Variants in KIAA1217 observed in about 807,000 individuals in gnomAD.
KIAA1217 encodes sickle tail protein homolog.
Under a neutral mutation model 163.9 loss-of-function variants are expected in KIAA1217, and 88 were observed. The observed-to-expected ratio is 0.54, with a 90% CI of 0.45 to 0.64. The LOEUF (loss-of-function observed/expected upper bound fraction) is 0.64. Ranked by LOEUF, KIAA1217 falls within the 30% of genes least tolerant of loss-of-function variation. KIAA1217 has a pLI of 0.00. For missense variants in KIAA1217, 2,372 were observed against 2,475.0 expected (o/e 0.96, Z 0.88); for synonymous variants, 903 against 923.1 (o/e 0.98, Z 0.39).
At position 24,147,832 on chromosome 10, in the gene KIAA1217, C is replaced by CAAAAAAA. The variant is rs1176106711; in HGVS notation, c.-170-71770_-170-71764dup. ...TGGGCAACAAAGTGATACTCTGTCT[C>CAAAAAAA]AAAAAAAAAAAAAAAAAAAAAAAAA... is the stretch of plus-strand genomic sequence containing the variant. On this transcript the variant is annotated intron_variant, in intron 2 of 18. Coordinates refer to the KIAA1217 transcript ENST00000376462. 3.4e-3 allele frequency among the ~76,000 whole-genome samples: 71 copies of CAAAAAAA among 20,760 alleles called. 1 individual carries two copies. The highest frequency in any genetic ancestry group is 5.7e-3 in the Admixed American group (7 of 1,222). The allele number at this position is 20,760 out of a possible 152,430, so 13.6% of individuals were successfully genotyped here. A position where few individuals can be genotyped will look rare whatever the true frequency, so the allele number is the denominator to read the frequency against.
chr10:24,405,215 C>G (rs572362812), intron 3 of KIAA1217, among the ~76,000 whole-genome samples: 1 of 152,234 alleles, frequency 6.6e-6, no homozygotes, highest in Admixed American at 6.5e-5. Context: ...TGTTATTGCC[C>G]TATAGTTATA....
At chr10:24,455,578 A>G (rs1317289477) in intron 5 of KIAA1217, among the ~76,000 whole-genome samples, 1 of 152,242 alleles carries the variant, frequency 6.6e-6, no homozygotes, top group East Asian at 1.9e-4. Context: ...CTCTAAACAC[A>G]TATCTTGAGC....
At chr10:23,993,719 C>T (rs1846332924) in intron 1 of KIAA1217, among the ~76,000 whole-genome samples, 1 of 151,844 alleles carries the variant, frequency 6.6e-6, no homozygotes, top group Non-Finnish European at 1.5e-5. Context: ...CCACACCCAG[C>T]TAATTTTTGT....
At chr10:24,320,770 T>C (rs967200240) in intron 2 of KIAA1217, among the ~76,000 whole-genome samples, 4 of 152,106 alleles carry the variant, frequency 2.6e-5, no homozygotes, top group African/African-American at 7.2e-5. Flanking sequence ...GAGGCCGGGC[T>C]CAGTGGCTCA....
intron 1 of KIAA1217, among the ~76,000 whole-genome samples, chr10:23,891,680 A>AT (rs1170179511): frequency 1.3e-5 from 2 of 151,664 alleles, no homozygotes; most frequent in African/African-American, 4.8e-5. Flanking sequence ...GAAATTATTG[A>AT]TTTTTTTCTC....
rs55881849 is a variant in KIAA1217 at position 24,360,040 on chromosome 10, C to CATTTTTTTTTTTTTTTTTT, written c.355-20829_355-20828insATTTTTTTTTTTTTTTTTT. On this transcript the variant is annotated intron_variant, in intron 2 of 20. Coordinates refer to ENST00000376454, the MANE Select transcript of KIAA1217 (RefSeq NM_019590.5). ...ACTGTGTATCTTTAGGATATAATTA[C>CATTTTTTTTTTTTTTTTTT]TTTTTTTTTTTTTTTTTTTTTTTTG... Among the ~76,000 whole-genome samples, 2 of 94,282 alleles carry CATTTTTTTTTTTTTTTTTT rather than the reference C, an allele frequency of 2.1e-5. 1 individual carries two copies. 61.9% of individuals were successfully genotyped at this position (94,282 alleles called of 152,430 possible). A position where few individuals can be genotyped will look rare whatever the true frequency, so the allele number is the denominator to read the frequency against.
intron 2 of KIAA1217, among the ~76,000 whole-genome samples, chr10:24,146,916 G>C (rs921144153): frequency 6.6e-6 from 1 of 150,696 alleles, no homozygotes; most frequent in African/African-American, 2.4e-5. Context: ...AGAGAGGTTT[G>C]AGCGTTGCTC....
At chr10:24,501,293 T>C (rs2067550504) in intron 8 of KIAA1217, 86 bp from the exon 9 acceptor site, 1 of 1,259,478 alleles carries the variant, frequency 7.9e-7, no homozygotes, top group African/African-American at 1.5e-5. Context: ...CTTTTTAGAA[T>C]TACCAGTCAT....
At chr10:24,178,059 T>C (rs1564794371) in intron 2 of KIAA1217, among the ~76,000 whole-genome samples, 1 of 152,166 alleles carries the variant, frequency 6.6e-6, no homozygotes, top group Non-Finnish European at 1.5e-5. Flanking sequence ...GAGTTGAAGA[T>C]GTTTATTCTG....
At chr10:24,221,903 G>A (rs2069706058) in intron 2 of KIAA1217, among the ~76,000 whole-genome samples, 1 of 152,088 alleles carries the variant, frequency 6.6e-6, no homozygotes, top group South Asian at 2.1e-4. Context: ...TGGGTGTGGT[G>A]GCACACACCT....
chr10:24,393,621 G>T (rs1348900617), intron 3 of KIAA1217, among the ~76,000 whole-genome samples: 1 of 152,212 alleles, frequency 6.6e-6, no homozygotes, highest in Non-Finnish European at 1.5e-5. Flanking sequence ...GTATTTGGAG[G>T]TAGGAACTTC....
intron 1 of KIAA1217, among the ~76,000 whole-genome samples, chr10:23,814,033 C>A (rs1019998270): frequency 6.6e-5 from 10 of 152,094 alleles, no homozygotes; most frequent in Non-Finnish European, 2.9e-5. Flanking sequence ...ATATCCATGA[C>A]TTTTTGGTGA....
chr10:24,416,319 G>A (rs1366836327), intron 3 of KIAA1217, among the ~76,000 whole-genome samples: 3 of 152,166 alleles, frequency 2.0e-5, no homozygotes, highest in African/African-American at 7.2e-5. Flanking sequence ...TGCAGAAGTA[G>A]AGGGTACTCA....
At chr10:24,101,396 GT>G (rs2062410295) in intron 2 of KIAA1217, among the ~76,000 whole-genome samples, 1 of 152,090 alleles carries the variant, frequency 6.6e-6, no homozygotes, top group African/African-American at 2.4e-5. Context: ...TCTAAAATTT[GT>G]TTTTAAGTAT....
At chr10:24,112,914 C>T (rs78515587) in intron 2 of KIAA1217, among the ~76,000 whole-genome samples, 4,728 of 152,084 alleles carry the variant, frequency 0.031, 94 homozygotes, top group South Asian at 0.046. Flanking sequence ...AGAAGAAGGG[C>T]CACACAGAGA....
At chr10:24,478,718 G>A (rs2064312473) in intron 6 of KIAA1217, among the ~76,000 whole-genome samples, 2 of 152,264 alleles carry the variant, frequency 1.3e-5, no homozygotes, top group South Asian at 2.1e-4. Flanking sequence ...GTCTTCTCTA[G>A]GTTGTAAAAT....
chr10:24,430,708 G>T (rs1459502731), intron 3 of KIAA1217, among the ~76,000 whole-genome samples: 1 of 152,158 alleles, frequency 6.6e-6, no homozygotes, highest in African/African-American at 2.4e-5. Context: ...CCCTCACCAT[G>T]CGCAGTTCAC....
At chr10:23,983,085 A>G (rs1281312970) in intron 1 of KIAA1217, among the ~76,000 whole-genome samples, 1 of 151,900 alleles carries the variant, frequency 6.6e-6, no homozygotes, top group Non-Finnish European at 1.5e-5. Flanking sequence ...ATGGCAGATC[A>G]GAGGTGTGCA....
chr10:24,418,252 G>A (rs920852186), intron 3 of KIAA1217, among the ~76,000 whole-genome samples: 1 of 151,778 alleles, frequency 6.6e-6, no homozygotes, highest in Admixed American at 6.6e-5. Flanking sequence ...GAGCCATTGC[G>A]CCCAGCCAAC....
Sources: allele counts gnomAD v4.1 joint callset (sites outside exome capture counted in the v4.1 genomes callset), GRCh38; gene constraint gnomAD v4.1.1; transcripts MANE v1.5; gene names NCBI Gene and HGNC (gene_info 2026-07-23, HGNC 2026-07-21).